The following DISP1 variants were observed in gnomAD, a reference collection of about 807,000 sequenced individuals.
DISP1 encodes protein dispatched homolog 1.
A neutral mutation model predicts 37.3 loss-of-function variants in DISP1; 30 were observed. That is an observed-to-expected ratio of 0.80 (90% CI 0.60 to 1.09). The LOEUF is 1.09. Among genes scored for constraint, DISP1 ranks in the 50% least tolerant of loss-of-function variants. The pLI is 0.00. For synonymous variants in DISP1, 634 were observed against 690.2 expected (o/e 0.92, Z 1.28); for missense variants, 1,598 against 1,879.5 (o/e 0.85, Z 2.77).
chr1:222,825,045 T>G (rs1663972030), intron 1 of DISP1, among the ~76,000 whole-genome samples: 1 of 151,308 alleles, frequency 6.6e-6, no homozygotes, highest in African/African-American at 2.4e-5. Flanking sequence ...ACCAAATGAG[T>G]AGTTATTAGA....
At chr1:222,956,711 G>A (rs1006406216) in intron 3 of DISP1, among the ~76,000 whole-genome samples, 2 of 152,054 alleles carry the variant, frequency 1.3e-5, no homozygotes, top group African/African-American at 4.8e-5. Context: ...TGTTTGGTGA[G>A]TGTTTTGGCT....
intron 1 of DISP1, among the ~76,000 whole-genome samples, chr1:222,860,126 G>A (rs182912628): frequency 1.3e-5 from 2 of 152,208 alleles, no homozygotes; most frequent in Non-Finnish European, 2.9e-5. Context: ...GCACGATCTC[G>A]GCTCACCACA....
intron 1 of DISP1, among the ~76,000 whole-genome samples, chr1:222,818,528 TA>T (rs535799230): frequency 1.6e-3 from 251 of 152,354 alleles, no homozygotes; most frequent in African/African-American, 5.9e-3. Flanking sequence ...TATATATGTG[TA>T]TTTTTAAAAG....
chr1:222,936,919 T>TCA (rs1673926784), intron 2 of DISP1, among the ~76,000 whole-genome samples: 1 of 97,782 alleles, frequency 1.0e-5, no homozygotes, highest in Non-Finnish European at 1.8e-5. Context: ...ATATTATATA[T>TCA]TATATAATAT....
At chr1:222,832,045 CG>C (rs1301828658) in intron 1 of DISP1, among the ~76,000 whole-genome samples, 3 of 151,756 alleles carry the variant, frequency 2.0e-5, no homozygotes, top group Non-Finnish European at 4.4e-5. Flanking sequence ...TTTGGGAGGT[CG>C]AGGTGAGTGG....
intron 1 of DISP1, among the ~76,000 whole-genome samples, chr1:222,895,026 C>T (rs1245065116): frequency 6.6e-6 from 1 of 152,154 alleles, no homozygotes; most frequent in African/African-American, 2.4e-5. Context: ...GTAGGGACAC[C>T]CTTTCTTCTT....
At chr1:222,946,937 G>A (rs996147531) in intron 3 of DISP1, among the ~76,000 whole-genome samples, 1 of 152,160 alleles carries the variant, frequency 6.6e-6, no homozygotes, top group South Asian at 2.1e-4. Flanking sequence ...CCACATTAAG[G>A]CAATCTCTAG....
chr1:222,943,266 G>A lies in DISP1; in HGVS notation c.443G>A (p.Cys148Tyr), dbSNP rs1414515828. 6 of 1,614,008 alleles carry A rather than the reference G, an allele frequency of 3.7e-6. No homozygotes were observed. The highest frequency in any genetic ancestry group is 4.2e-6 in the Non-Finnish European group (5 of 1,179,960). Reference sequence around the variant, plus strand: ...TGTCTTCAGCCCTCTCCATCCTTCTGCCTGCATCATCCGTGGCCTGACCAT... The same window carrying A: ...TGTCTTCAGCCCTCTCCATCCTTCTACCTGCATCATCCGTGGCCTGACCAT... ...TCCLQPSPSF[C>Y]LHHPWPDHFQ... Residue 148 changes from cysteine to tyrosine, a missense_variant, in exon 3 of 9, where the codon TGC (cysteine) becomes TAC (tyrosine). Coordinates refer to ENST00000675850, the MANE Select transcript of DISP1 (RefSeq NM_001377229.1).
chr1:222,924,932 C>G (rs1298218002), intron 1 of DISP1, among the ~76,000 whole-genome samples: 1 of 152,032 alleles, frequency 6.6e-6, no homozygotes, highest in Non-Finnish European at 1.5e-5. Flanking sequence ...TCCCCCATGC[C>G]CTTGTCTTCC....
chr1:222,995,549 C>T (rs1056142536), intron 8 of DISP1, among the ~76,000 whole-genome samples: 23 of 152,176 alleles, frequency 1.5e-4, no homozygotes, highest in Non-Finnish European at 1.9e-4. Context: ...CTTGCTGCTT[C>T]GGGAGACACC....
At chr1:222,988,999 A>G (rs1678484757) in intron 4 of DISP1, among the ~76,000 whole-genome samples, 1 of 152,254 alleles carries the variant, frequency 6.6e-6, no homozygotes, top group African/African-American at 2.4e-5. Context: ...GCCTGTGCAC[A>G]TGCTCCCTTA....
intron 1 of DISP1, among the ~76,000 whole-genome samples, chr1:222,924,539 T>C (rs912635154): frequency 6.6e-6 from 1 of 152,142 alleles, no homozygotes; most frequent in African/African-American, 2.4e-5. Context: ...GGTCTGAAGT[T>C]TTCAGTGGGT....
rs141556701 is a variant in DISP1 at position 222,861,470 on chromosome 1, T to G, written c.-159+46392T>G. On this transcript the variant is annotated intron_variant, in intron 1 of 8. Transcript: ENST00000675850. ...GATTGAAATTATCCTCATATTTCTT[T>G]GAGAAAGAGATTATGTAATGTTTAA... Among the ~76,000 whole-genome samples, 10 of 152,352 alleles carry G rather than the reference T, an allele frequency of 6.6e-5. No homozygotes were observed. The East Asian group carries it at 1.9e-3, about 29-fold the overall frequency.
chr1:222,886,841 G>C (rs1029900332), intron 1 of DISP1, among the ~76,000 whole-genome samples: 1 of 152,178 alleles, frequency 6.6e-6, no homozygotes, highest in Non-Finnish European at 1.5e-5. Context: ...ATTTACATAA[G>C]AGTTTTGAGA....
intron 1 of DISP1, among the ~76,000 whole-genome samples, chr1:222,907,321 C>T (rs1671954014): frequency 6.6e-6 from 1 of 152,176 alleles, no homozygotes; most frequent in South Asian, 2.1e-4. Context: ...ATTAACTCTA[C>T]AGGAGTAAAA....
intron 1 of DISP1, among the ~76,000 whole-genome samples, chr1:222,846,332 A>C (rs1667893841): frequency 6.6e-6 from 1 of 152,224 alleles, no homozygotes; most frequent in Non-Finnish European, 1.5e-5. Context: ...TCTCTACTAA[A>C]AATACAAAAT....
chr1:222,994,696 A>G (rs1678932951), intron 7 of DISP1, among the ~76,000 whole-genome samples, 189 bp from the exon 8 acceptor site: 2 of 152,154 alleles, frequency 1.3e-5, no homozygotes, highest in South Asian at 4.1e-4. Flanking sequence ...CGCTAAGACA[A>G]TATTATGGCA....
At position 222,840,532 on chromosome 1, in the gene DISP1, A is replaced by C. The variant is rs1430923345; in HGVS notation, c.-159+25454A>C. On this transcript the variant is annotated intron_variant, in intron 1 of 8. Transcript: ENST00000675850. Reference sequence around the variant, plus strand: ...ACTAGGATTACAGGCGTGAGCCACCATGCCTGGCCATTAGTACAGTATCTC... The same window carrying C: ...ACTAGGATTACAGGCGTGAGCCACCCTGCCTGGCCATTAGTACAGTATCTC... Among the ~76,000 whole-genome samples the C allele has an allele frequency of 6.2e-5, 9 of 146,340 alleles. No individual in the cohort carries two copies. The East Asian group carries it at 1.4e-3, about 23-fold the overall frequency.
At chr1:222,983,903 C>T (rs1678026506) in intron 4 of DISP1, among the ~76,000 whole-genome samples, 1 of 152,166 alleles carries the variant, frequency 6.6e-6, no homozygotes, top group South Asian at 2.1e-4. Flanking sequence ...GATGTCCTTA[C>T]ACATTGTAAT....
Sources: allele counts gnomAD v4.1 joint callset (sites outside exome capture counted in the v4.1 genomes callset), GRCh38; gene constraint gnomAD v4.1.1; transcripts MANE v1.5; gene names NCBI Gene and HGNC (gene_info 2026-07-23, HGNC 2026-07-21).